BBS9: variants seen among roughly 807,000 people sequenced by gnomAD.
The protein encoded by BBS9 is protein PTHB1.
Under a neutral mutation model 117.7 loss-of-function variants are expected in BBS9, and 89 were observed. The observed-to-expected ratio is 0.76, with a 90% CI of 0.64 to 0.90. The LOEUF (loss-of-function observed/expected upper bound fraction) is 0.90. BBS9 is among the 40% of genes least tolerant of loss of function. BBS9 has a pLI of 0.00. For synonymous variants in BBS9, 379 were observed against 370.9 expected, an observed-to-expected ratio of 1.02 and a Z score of -0.25; for missense variants, 982 against 1,042.2, an observed-to-expected ratio of 0.94 and a Z score of 0.80.
chr7:33,414,956 C>G (rs1354834551), intron 19 of BBS9, among the ~76,000 whole-genome samples: 2 of 151,992 alleles, frequency 1.3e-5, no homozygotes, highest in African/African-American at 4.8e-5. Context: ...AAATTGAAAT[C>G]ACAACTTCAA....
At chr7:33,429,576 C>G (rs1834134793) in intron 19 of BBS9, among the ~76,000 whole-genome samples, 1 of 152,056 alleles carries the variant, frequency 6.6e-6, no homozygotes, top group African/African-American at 2.4e-5. Flanking sequence ...TTACTAGGAT[C>G]CTGCCATGGA....
intron 5 of BBS9, among the ~76,000 whole-genome samples, chr7:33,209,501 A>AT (rs1342869041): frequency 1.3e-5 from 2 of 151,954 alleles, no homozygotes; most frequent in Non-Finnish European, 2.9e-5. Flanking sequence ...TCTATTTTTG[A>AT]TTTTTTGTGG....
At chr7:33,473,427 A>G (rs1584950558) in intron 19 of BBS9, among the ~76,000 whole-genome samples, 1 of 150,826 alleles carries the variant, frequency 6.6e-6, no homozygotes, top group African/African-American at 2.4e-5. Flanking sequence ...GGGTTCAAGC[A>G]GTTCTCCTGC....
chr7:33,287,629 T>C (rs1803148562), intron 9 of BBS9, among the ~76,000 whole-genome samples: 2 of 152,200 alleles, frequency 1.3e-5, no homozygotes, highest in Non-Finnish European at 2.9e-5. Context: ...TCAATGGTTT[T>C]CCTGCCTTTA....
intron 2 of BBS9, among the ~76,000 whole-genome samples, chr7:33,146,715 A>AG (rs1445861341): frequency 2.7e-4 from 41 of 151,414 alleles, no homozygotes; most frequent in African/African-American, 6.8e-4. Flanking sequence ...AAAAAAAAAA[A>AG]AAAGAGATAA....
At chr7:33,388,459 A>G (rs1826437748) in intron 19 of BBS9, among the ~76,000 whole-genome samples, 1 of 152,216 alleles carries the variant, frequency 6.6e-6, no homozygotes. Context: ...TGTGCTTGAT[A>G]AATAGTAGCT....
intron 9 of BBS9, among the ~76,000 whole-genome samples, chr7:33,292,070 GTGAA>G (rs530210917): frequency 2.6e-5 from 4 of 152,206 alleles, no homozygotes; most frequent in East Asian, 1.9e-4. Flanking sequence ...TGTTGGTTGA[GTGAA>G]TGAATGAATG....
At chr7:33,597,601 T>C (rs1365283838) in intron 21 of BBS9, among the ~76,000 whole-genome samples, 1 of 152,138 alleles carries the variant, frequency 6.6e-6, no homozygotes, top group African/African-American at 2.4e-5. Context: ...GCCAGCCCTC[T>C]GGATTTTCTG....
rs370490054 is a variant in BBS9, at chr7:33,515,387, T to G, written c.2298+9742T>G. Among the ~76,000 whole-genome samples, 151 of 152,296 alleles carry G rather than the reference T, an allele frequency of 9.9e-4. 1 individual carries two copies. The South Asian group carries it at 0.013, about 14-fold the overall frequency. ...CGCTGTGTTTTTCCATGTAGCATTG[T>G]CCCTCCCGTGTACTATAACGAGCAT... On this transcript the variant is annotated intron_variant, in intron 20 of 22. Transcript: ENST00000242067.
intron 9 of BBS9, among the ~76,000 whole-genome samples, chr7:33,328,005 A>G (rs1813194799): frequency 6.6e-6 from 1 of 152,156 alleles, no homozygotes. Flanking sequence ...TTAGATGTCT[A>G]TTGGCCTTCT....
intron 21 of BBS9, among the ~76,000 whole-genome samples, chr7:33,620,890 A>T (rs1305616251): frequency 6.6e-6 from 1 of 152,176 alleles, no homozygotes; most frequent in African/African-American, 2.4e-5. Context: ...TAAATACAGA[A>T]ACACTGACCA....
intron 16 of BBS9, among the ~76,000 whole-genome samples, chr7:33,361,312 TG>T (rs1820577483): frequency 6.6e-6 from 1 of 152,248 alleles, no homozygotes; most frequent in South Asian, 2.1e-4. Context: ...TAGTCTTTTA[TG>T]TTGCTCAAGT....
At position 33,621,935 on chromosome 7, in the gene BBS9, C is replaced by T. The variant is rs571033119; in HGVS notation, c.2522-13242C>T. Among the ~76,000 whole-genome samples, 9 of 152,264 alleles carry T rather than the reference C, an allele frequency of 5.9e-5. No individual in the cohort carries two copies. In the South Asian group the frequency reaches 6.2e-4, roughly 11 times the overall value. ...AAGACAAATACTACAATGGGCTGGG[C>T]GCAGTGGTTCATGCCTGTAATTCCA... On this transcript the variant is annotated intron_variant, in intron 21 of 21. Transcript: ENST00000671952.
chr7:33,284,677 CTTA>C (rs1562936687), intron 9 of BBS9, among the ~76,000 whole-genome samples: 2 of 152,110 alleles, frequency 1.3e-5, no homozygotes. Context: ...TGGTTGGCTA[CTTA>C]TTTTCTGTTC....
chr7:33,195,391 A>G (rs1428443932), intron 5 of BBS9, among the ~76,000 whole-genome samples: 1 of 152,182 alleles, frequency 6.6e-6, no homozygotes, highest in African/African-American at 2.4e-5. Context: ...ATGTTAAAGT[A>G]TCTATTACAA....
chr7:33,205,953 T>C (rs1006959274), intron 5 of BBS9, among the ~76,000 whole-genome samples: 1 of 152,212 alleles, frequency 6.6e-6, no homozygotes. Flanking sequence ...ATTATTGTTA[T>C]CAAAAATTAA....
At chr7:33,399,647 A>G (rs897704725) in intron 19 of BBS9, among the ~76,000 whole-genome samples, 1 of 152,198 alleles carries the variant, frequency 6.6e-6, no homozygotes, top group Non-Finnish European at 1.5e-5. Context: ...TTAAATTTTC[A>G]TCAATTCGGA....
intron 17 of BBS9, among the ~76,000 whole-genome samples, chr7:33,370,284 C>T (rs972175556): frequency 2.6e-5 from 4 of 151,298 alleles, no homozygotes; most frequent in African/African-American, 9.7e-5. Context: ...ATAGTGAGAC[C>T]TAGTCCCTAT....
In BBS9 at chr7:33,183,170, G is replaced by C. The variant is rs558744388; in HGVS notation, c.442+5579G>C. On this transcript the variant is annotated intron_variant, in intron 5 of 22. Coordinates refer to ENST00000242067, the MANE Select transcript of BBS9 (RefSeq NM_198428.3). The stretch of plus-strand genomic sequence containing the variant: ...GAGAGGGATCTATTTTCAATTCTTA[G>C]GGTTCCACGAGGGAAACAGATGTCT... 1.2e-3 allele frequency among the ~76,000 whole-genome samples: 185 copies of C among 152,160 alleles called. 1 individual carries two copies. Among genetic ancestry groups the C allele is most frequent in the African/African-American group, 4.2e-3 (174 of 41,520 alleles).
Sources: allele counts gnomAD v4.1 joint callset (sites outside exome capture counted in the v4.1 genomes callset), GRCh38; gene constraint gnomAD v4.1.1; transcripts MANE v1.5; gene names NCBI Gene and HGNC (gene_info 2026-07-23, HGNC 2026-07-21).